The following SLC71A2 variants were observed in gnomAD, a reference collection of about 807,000 sequenced individuals.
SLC71A2 encodes the protein solute carrier family 71 member 2.
At chr9:94,456,408 C>CT in the SLC71A2 span, 1 of 1,213,310 alleles carries the variant, frequency 8.2e-7, no homozygotes, top group South Asian at 1.2e-5. Context: ...AGGAGCAGCT[C>CT]TGAGTTCTCC....
the SLC71A2 span, chr9:94,375,020 G>C: frequency 2.4e-6 from 2 of 822,374 alleles, no homozygotes; most frequent in African/African-American, 3.6e-5. Context: ...CCGGGCAGGG[G>C]CTTCGGCTCT....
At chr9:94,439,645 A>T in the SLC71A2 span, among the ~76,000 whole-genome samples, 1 of 151,758 alleles carries the variant, frequency 6.6e-6, no homozygotes, top group African/African-American at 2.4e-5. Context: ...GGTACTTATA[A>T]TCATTTTATT....
At chr9:94,419,289 CT>C in the SLC71A2 span, among the ~76,000 whole-genome samples, 1 of 109,200 alleles carries the variant, frequency 9.2e-6, no homozygotes, top group African/African-American at 3.3e-5. Context: ...AAAGCTTCAA[CT>C]TTTTTTTCTT....
chr9:94,450,758 G>C, the SLC71A2 span, among the ~76,000 whole-genome samples: 8 of 152,020 alleles, frequency 5.3e-5, no homozygotes, highest in Non-Finnish European at 7.4e-5. Flanking sequence ...CAAAGTGCTG[G>C]GATTACAGGC....
the SLC71A2 span, among the ~76,000 whole-genome samples, chr9:94,377,340 G>A: frequency 6.6e-6 from 1 of 151,468 alleles, no homozygotes; most frequent in African/African-American, 2.4e-5. Context: ...GTAATCACAG[G>A]GAAGATTGTC....
chr9:94,434,193 A>G, the SLC71A2 span, among the ~76,000 whole-genome samples: 2 of 152,222 alleles, frequency 1.3e-5, no homozygotes, highest in African/African-American at 4.8e-5. Flanking sequence ...TAAAATCAAT[A>G]CTTTAAAAAT....
At chr9:94,456,297 CAG>C in the SLC71A2 span, 2 of 1,614,132 alleles carry the variant, frequency 1.2e-6, no homozygotes, top group Non-Finnish European at 1.7e-6. Flanking sequence ...TTCCGGCAAT[CAG>C]TGCCCTCGTC....
chr9:94,456,157 T>C, the SLC71A2 span: 1 of 856,974 alleles, frequency 1.2e-6, no homozygotes, highest in Non-Finnish European at 1.9e-6. Context: ...AAGGCATTTG[T>C]ACTTTTGCCA....
chr9:94,417,230 T>A, the SLC71A2 span, among the ~76,000 whole-genome samples: 1 of 152,194 alleles, frequency 6.6e-6, no homozygotes, highest in Non-Finnish European at 1.5e-5. Context: ...AAACTTACCA[T>A]TTTCACTGTT....
the SLC71A2 span, among the ~76,000 whole-genome samples, chr9:94,383,161 C>CTTTTTTT: frequency 1.8e-4 from 19 of 105,774 alleles, no homozygotes; most frequent in East Asian, 8.8e-4. Context: ...GCTTTTACAT[C>CTTTTTTT]TTTTTTTTTT....
At chr9:94,409,303 G>A in the SLC71A2 span, among the ~76,000 whole-genome samples, 1 of 145,188 alleles carries the variant, frequency 6.9e-6, no homozygotes, top group African/African-American at 2.6e-5. Flanking sequence ...CACCATGCTT[G>A]GGTAAACTTT....
At chr9:94,447,043 T>G in the SLC71A2 span, 1 of 616,308 alleles carries the variant, frequency 1.6e-6, no homozygotes. Flanking sequence ...ACATGTGAAC[T>G]TGCTTCTAGT....
chr9:94,441,980 A>AG, the SLC71A2 span, among the ~76,000 whole-genome samples: 1 of 152,210 alleles, frequency 6.6e-6, no homozygotes, highest in Non-Finnish European at 1.5e-5. Flanking sequence ...AAGATAGCAT[A>AG]GCATGTGGAT....
the SLC71A2 span, among the ~76,000 whole-genome samples, chr9:94,414,379 C>T: frequency 6.6e-6 from 1 of 152,172 alleles, no homozygotes; most frequent in Non-Finnish European, 1.5e-5. Flanking sequence ...TTTTCATCCT[C>T]TGCTTCTAAA....
chr9:94,378,138 AAGG>A, the SLC71A2 span, among the ~76,000 whole-genome samples: 11 of 151,664 alleles, frequency 7.3e-5, 1 homozygote, highest in African/African-American at 2.7e-4. Context: ...AAAAAAAAAA[AAGG>A]AGGTGTATGT....
the SLC71A2 span, among the ~76,000 whole-genome samples, chr9:94,454,283 G>A: frequency 6.6e-5 from 10 of 152,150 alleles, no homozygotes; most frequent in South Asian, 2.1e-4. Context: ...GGACTTTCAC[G>A]GAATTGTTCC....
the SLC71A2 span, among the ~76,000 whole-genome samples, chr9:94,441,783 G>A: frequency 6.6e-6 from 1 of 152,170 alleles, no homozygotes; most frequent in East Asian, 1.9e-4. Context: ...CAAATCCATA[G>A]TTGCTGAATA....
At chr9:94,378,145 TG>T in the SLC71A2 span, among the ~76,000 whole-genome samples, 3 of 138,406 alleles carry the variant, frequency 2.2e-5, no homozygotes, top group Non-Finnish European at 4.7e-5. Flanking sequence ...AAAAAGGAGG[TG>T]TATGTTAGCT....
At chr9:94,391,748 G>A in the SLC71A2 span, among the ~76,000 whole-genome samples, 83 of 150,576 alleles carry the variant, frequency 5.5e-4, 1 homozygote, top group African/African-American at 1.6e-3. Flanking sequence ...AATCAGCCAG[G>A]TGTGGTAGTG....
Sources: allele counts gnomAD v4.1 joint callset (sites outside exome capture counted in the v4.1 genomes callset), GRCh38; gene constraint gnomAD v4.1.1; transcripts MANE v1.5; gene names NCBI Gene and HGNC (gene_info 2026-07-23, HGNC 2026-07-21).